Variants in RAG1 observed in about 807,000 individuals in gnomAD.
RAG1 encodes the protein recombination activating 1.
In RAG1, 35 loss-of-function variants were observed where a neutral mutation model predicts 62.7. The observed-to-expected ratio is 0.56, with a 90% confidence interval of 0.43 to 0.74. RAG1 has a LOEUF of 0.74. RAG1 is among the 30% of genes least tolerant of loss of function. The probability of loss-of-function intolerance (pLI) is 0.00; values close to 1 mark genes in which losing one functional copy is unlikely to be tolerated. For synonymous variants in RAG1, 461 were observed against 470.3 expected (o/e 0.98, Z 0.26); for missense variants, 1,169 against 1,278.6 (o/e 0.91, Z 1.31).
intron 2 of RAG1, among the ~76,000 whole-genome samples, chr11:36,526,477 A>G (rs570689186): frequency 1.3e-5 from 2 of 152,220 alleles, no homozygotes; most frequent in East Asian, 3.9e-4. Flanking sequence ...TATCCAGTCT[A>G]TCATTTATGG....
intron 3 of RAG1, among the ~76,000 whole-genome samples, chr11:36,541,208 A>G (rs1435053852): frequency 6.6e-6 from 1 of 152,164 alleles, no homozygotes; most frequent in Non-Finnish European, 1.5e-5. Context: ...ATTCGGTTCA[A>G]TCCTGCCACC....
At chr11:36,570,433 A>G (rs1164123512) in intron 1 of RAG1, among the ~76,000 whole-genome samples, 1 of 152,196 alleles carries the variant, frequency 6.6e-6, no homozygotes, top group Non-Finnish European at 1.5e-5. Flanking sequence ...CGTCTATTTT[A>G]GGGAGTAAAA....
intron 2 of RAG1, among the ~76,000 whole-genome samples, chr11:36,520,756 G>T (rs1189278560): frequency 6.6e-6 from 1 of 152,182 alleles, no homozygotes; most frequent in Non-Finnish European, 1.5e-5. Flanking sequence ...AGATTACTTT[G>T]TTAGTTGAGA....
At chr11:36,530,160 A>C (rs992920251) in intron 2 of RAG1, among the ~76,000 whole-genome samples, 1 of 151,954 alleles carries the variant, frequency 6.6e-6, no homozygotes, top group African/African-American at 2.4e-5. Context: ...CAGGGTCTAT[A>C]CTGATATCCC....
At chr11:36,515,294 G>A (rs907038189) in intron 1 of RAG1, among the ~76,000 whole-genome samples, 45 of 152,090 alleles carry the variant, frequency 3.0e-4, no homozygotes, top group Middle Eastern at 3.4e-3. Context: ...AGAGGAATTC[G>A]ATATGATGGG....
At chr11:36,520,303 C>G (rs1439578076) in intron 2 of RAG1, 1 of 152,024 alleles carries the variant, frequency 6.6e-6, no homozygotes, top group South Asian at 2.1e-4. Context: ...AAGTCTTGCT[C>G]TGTTGCCCAG....
At chr11:36,536,762 A>G (rs1860334832), downstream of RAG1, among the ~76,000 whole-genome samples, 1 of 151,248 alleles carries the variant, frequency 6.6e-6, no homozygotes, top group Non-Finnish European at 1.5e-5. Context: ...TTACTTATGT[A>G]TTTATTTATT....
upstream of RAG1, chr11:36,567,397 G>C (rs4150998): frequency 6.6e-6 from 1 of 152,168 alleles, no homozygotes; most frequent in Non-Finnish European, 1.5e-5. Context: ...TTTAAGTAAT[G>C]AATCAAAGGC....
At chr11:36,538,844 G>C (rs1303282518), downstream of RAG1, among the ~76,000 whole-genome samples, 1 of 152,110 alleles carries the variant, frequency 6.6e-6, no homozygotes, top group Non-Finnish European at 1.5e-5. Context: ...CAGTTCATCA[G>C]GGTCACCTCC....
rs1462438114 is a variant in RAG1 at position 36,574,707 on chromosome 11, C to T, written c.1403C>T (p.Ala468Val). ...MQGKGSGLQP[A>V]VCLAIRVNTF... ...GGAAAGGGCTCTGGCCTGCAGCCAGCTGTTTGCTTGGCCATCCGTGTCAAC... is the reference window on the plus strand; with the variant it reads ...GGAAAGGGCTCTGGCCTGCAGCCAGTTGTTTGCTTGGCCATCCGTGTCAAC... The change falls in exon 2 of 2, where the codon GCT (alanine) becomes GTT (valine). Residue 468 changes from alanine to valine, a missense_variant. Ala to Val is a moderately conservative substitution (Grantham distance 64). Around this residue, in one of 2 missense-constraint regions of RAG1, gnomAD observed 800 missense variants for 943.3 expected, o/e 0.85. Transcript: ENST00000299440. 1.2e-6 allele frequency: 2 copies of T among 1,614,106 alleles called. No homozygotes were observed. The highest frequency in any genetic ancestry group is 1.7e-6 in the Non-Finnish European group (2 of 1,180,058).
intron 1 of RAG1, among the ~76,000 whole-genome samples, chr11:36,515,063 A>G (rs887228826): frequency 6.6e-6 from 1 of 152,194 alleles, no homozygotes; most frequent in African/African-American, 2.4e-5. Context: ...AGGGGACACA[A>G]AACTTTCCAG....
At chr11:36,539,990 G>T (rs1238842853), downstream of RAG1, among the ~76,000 whole-genome samples, 1 of 152,120 alleles carries the variant, frequency 6.6e-6, no homozygotes, top group African/African-American at 2.4e-5. Context: ...AATATCATCT[G>T]CTCAATTAAC....
Position 36,574,153 on chromosome 11 carries a change from C to A in RAG1, c.849C>A (p.Phe283Leu), listed in dbSNP as rs1850796862. The stretch of plus-strand genomic sequence containing the variant: ...GTACCAAGCTCCTTGCAGTGGACTT[C>A]CCAGAGCACTTTGTGAAATCCATCT... ...HLSTKLLAVD[F>L]PEHFVKSISC... Residue 283 changes from phenylalanine to leucine, a missense_variant, in exon 2 of 2, where the codon TTC (phenylalanine) becomes TTA (leucine). By Grantham distance (22) the Phe-to-Leu change is conservative (BLOSUM62 0). Coordinates refer to ENST00000299440, the MANE Select transcript of RAG1 (RefSeq NM_000448.3). The A allele has an allele frequency of 1.2e-6, 2 of 1,614,200 alleles. No individual in the cohort carries two copies. Among genetic ancestry groups the A allele is most frequent in the South Asian group, 2.2e-5 (2 of 91,080 alleles).
chr11:36,510,624 G>C (rs1658282563), upstream of RAG1: 1 of 152,172 alleles, frequency 6.6e-6, no homozygotes, highest in African/African-American at 2.4e-5. Flanking sequence ...GGGCTAGATC[G>C]CTTGACCTTC....
At chr11:36,528,704 C>A (rs1462587106) in intron 2 of RAG1, among the ~76,000 whole-genome samples, 1 of 151,824 alleles carries the variant, frequency 6.6e-6, no homozygotes, top group African/African-American at 2.4e-5. Flanking sequence ...TCAATGAATC[C>A]AGGAGATGTT....
chr11:36,572,893 T>C (rs992061419), intron 1 of RAG1, among the ~76,000 whole-genome samples: 2 of 152,224 alleles, frequency 1.3e-5, no homozygotes, highest in African/African-American at 2.4e-5. Flanking sequence ...GTGGAAAATA[T>C]TACTTTTCTT....
chr11:36,547,916 G>C (rs1850421828), intron 3 of RAG1, among the ~76,000 whole-genome samples: 1 of 152,100 alleles, frequency 6.6e-6, no homozygotes, highest in South Asian at 2.1e-4. Flanking sequence ...ACATCAAAAA[G>C]CTTATTCACC....
At chr11:36,548,802 C>G (rs944883580) in intron 3 of RAG1, among the ~76,000 whole-genome samples, 1 of 152,102 alleles carries the variant, frequency 6.6e-6, no homozygotes, top group Non-Finnish European at 1.5e-5. Flanking sequence ...CAAAAAAGAG[C>G]CCATATGGTC....
Position 36,578,063 on chromosome 11 carries a change from T to G in RAG1, c.*1627T>G. 1 of 167,204 alleles carries G rather than the reference T, an allele frequency of 6.0e-6. No individual in the cohort carries two copies. 10.4% of individuals were successfully genotyped at this position (167,204 alleles called of 1,614,324 possible). On this transcript the variant is annotated 3_prime_UTR_variant, in exon 2 of 2. Coordinates refer to ENST00000299440, the MANE Select transcript of RAG1 (RefSeq NM_000448.3). ...GGCAATGTAGAGCAGGCATGGAATT[T>G]TATATGCTAGTGAGTCATAATGATA...
Sources: gnomAD v4.1 joint callset for allele counts (sites outside exome capture counted in the v4.1 genomes callset) on GRCh38, gnomAD v4.1.1 for gene constraint, gnomAD v4.1.1 regional missense constraint, MANE v1.5 for transcripts, NCBI Gene and HGNC (gene_info 2026-07-23, HGNC 2026-07-21) for gene names.